ANKS1B: variants seen among roughly 807,000 people sequenced by gnomAD.
ANKS1B encodes ankyrin repeat and sterile alpha motif domain-containing protein 1B.
Under a neutral mutation model 148.3 loss-of-function variants are expected in ANKS1B, and 36 were observed. That is an observed-to-expected ratio of 0.24 (90% CI 0.19 to 0.32). ANKS1B has a LOEUF of 0.32. Ranked by LOEUF, ANKS1B falls within the 10% of genes least tolerant of loss-of-function variation. The pLI is 1.00. For missense variants in ANKS1B, 1,157 were observed against 1,542.6 expected (o/e 0.75, Z 4.19); for synonymous variants, 542 against 560.8 (o/e 0.97, Z 0.47).
intron 12 of ANKS1B, among the ~76,000 whole-genome samples, chr12:99,313,912 G>A (rs1325986040): frequency 6.6e-6 from 1 of 152,102 alleles, no homozygotes; most frequent in Non-Finnish European, 1.5e-5. Flanking sequence ...TGGAAGTTCT[G>A]GCTAGGGCAA....
At chr12:99,259,752 G>C (rs1215725088) in intron 12 of ANKS1B, among the ~76,000 whole-genome samples, 1 of 151,468 alleles carries the variant, frequency 6.6e-6, no homozygotes, top group African/African-American at 2.4e-5. Flanking sequence ...AAGGAAGCCA[G>C]CGACATTCAC....
At chr12:99,884,489 A>G (rs933422818) in intron 1 of ANKS1B, among the ~76,000 whole-genome samples, 1 of 152,248 alleles carries the variant, frequency 6.6e-6, no homozygotes, top group Non-Finnish European at 1.5e-5. Context: ...TAAAAAATGC[A>G]TATGTCCTTA....
At chr12:99,248,926 A>G (rs2074225512) in intron 12 of ANKS1B, among the ~76,000 whole-genome samples, 2 of 152,212 alleles carry the variant, frequency 1.3e-5, no homozygotes, top group Admixed American at 6.5e-5. Context: ...GGAATTTGGG[A>G]AAAGTGGACT....
intron 14 of ANKS1B, among the ~76,000 whole-genome samples, chr12:99,160,736 C>T (rs2076578317): frequency 6.6e-6 from 1 of 152,100 alleles, no homozygotes; most frequent in Non-Finnish European, 1.5e-5. Context: ...GGTAGGGGTC[C>T]AGTTTCATTC....
chr12:99,182,786 C>T (rs145034406), intron 14 of ANKS1B, among the ~76,000 whole-genome samples: 23 of 152,160 alleles, frequency 1.5e-4, no homozygotes, highest in African/African-American at 4.3e-4. Context: ...TAACAGTGTA[C>T]GAGAGTTCCT....
At chr12:98,936,431 A>G (rs895940640) in intron 17 of ANKS1B, among the ~76,000 whole-genome samples, 4 of 152,154 alleles carry the variant, frequency 2.6e-5, no homozygotes, top group Admixed American at 2.6e-4. Context: ...GGTTGAGACC[A>G]TCCTGGCCAA....
intron 1 of ANKS1B, among the ~76,000 whole-genome samples, chr12:99,911,345 C>T (rs943716260): frequency 1.3e-5 from 2 of 152,134 alleles, no homozygotes; most frequent in African/African-American, 2.4e-5. Flanking sequence ...CTAACCAGGC[C>T]AGCCAAATTC....
intron 13 of ANKS1B, among the ~76,000 whole-genome samples, chr12:99,245,608 T>C (rs966342840): frequency 6.6e-6 from 1 of 152,220 alleles, no homozygotes; most frequent in African/African-American, 2.4e-5. Flanking sequence ...TAATGATCTA[T>C]TGTGCTTCTA....
chr12:99,236,047 G>A (rs1244728298), intron 14 of ANKS1B, among the ~76,000 whole-genome samples: 2 of 152,220 alleles, frequency 1.3e-5, no homozygotes, highest in African/African-American at 4.8e-5. Context: ...TGATTTAGTA[G>A]CATGGAGCCG....
chr12:99,855,274 T>A (rs1448255276), intron 1 of ANKS1B, among the ~76,000 whole-genome samples: 1 of 151,982 alleles, frequency 6.6e-6, no homozygotes, highest in Non-Finnish European at 1.5e-5. Flanking sequence ...TTATATTCAA[T>A]ATATATTCTT....
intron 12 of ANKS1B, among the ~76,000 whole-genome samples, chr12:99,339,663 A>G (rs2089572734): frequency 6.6e-6 from 1 of 152,170 alleles, no homozygotes; most frequent in African/African-American, 2.4e-5. Context: ...TATTAATTTC[A>G]TAAATTAGCT....
intron 8 of ANKS1B, among the ~76,000 whole-genome samples, chr12:99,685,923 T>C (rs1359938646): frequency 2.6e-5 from 4 of 152,090 alleles, no homozygotes; most frequent in Non-Finnish European, 5.9e-5. Flanking sequence ...AAATGGGAGC[T>C]AAGCTATGAA....
chr12:99,613,803 C>T (rs898002832), intron 9 of ANKS1B, among the ~76,000 whole-genome samples: 5 of 151,920 alleles, frequency 3.3e-5, no homozygotes, highest in African/African-American at 9.7e-5. Flanking sequence ...ACTCCCATGA[C>T]ACACGTTTAC....
At chr12:98,781,847 C>T (rs1593480654) in intron 23 of ANKS1B, among the ~76,000 whole-genome samples, 1 of 152,276 alleles carries the variant, frequency 6.6e-6, no homozygotes, top group East Asian at 1.9e-4. Context: ...GGTTTTGAGC[C>T]ACAGCAAAAT....
intron 12 of ANKS1B, among the ~76,000 whole-genome samples, chr12:99,371,582 A>T (rs2152471449): frequency 6.6e-6 from 1 of 152,056 alleles, no homozygotes; most frequent in East Asian, 1.9e-4. Flanking sequence ...ACACACACAT[A>T]TACATACTGA....
rs769196959 is a variant in ANKS1B at position 99,779,834 on chromosome 12, T to G, written c.847+37A>C. ...GTAACAGTTTTAATCTCATCTTAAC[T>G]TTAAGGCAAACTCATCCATCATTCA... On this transcript the variant is annotated intron_variant, in intron 6 of 26. Transcript: ENST00000683438. 7 of 1,508,490 alleles carry G rather than the reference T, an allele frequency of 4.6e-6. No individual in the cohort carries two copies. The South Asian group carries it at 7.9e-5, about 17-fold the overall frequency. The allele number at this position is 1,508,490 out of a possible 1,614,324, so 93.4% of individuals were successfully genotyped here.
chr12:98,850,726 C>G (rs927508399), intron 17 of ANKS1B, among the ~76,000 whole-genome samples: 1 of 151,552 alleles, frequency 6.6e-6, no homozygotes, highest in South Asian at 2.1e-4. Context: ...CTCAGCCTCC[C>G]GAAGTGCTGG....
chr12:99,060,894 T>C (rs956958546), intron 16 of ANKS1B, among the ~76,000 whole-genome samples: 6 of 152,058 alleles, frequency 3.9e-5, no homozygotes, highest in African/African-American at 1.4e-4. Context: ...TTATAATAGC[T>C]TTGGGATTAA....
At chr12:99,877,041 G>A (rs1431667647) in intron 1 of ANKS1B, among the ~76,000 whole-genome samples, 1 of 152,046 alleles carries the variant, frequency 6.6e-6, no homozygotes, top group Non-Finnish European at 1.5e-5. Context: ...TGTCTATACT[G>A]ATATACTGGT....
Sources: gnomAD v4.1 joint callset for allele counts (sites outside exome capture counted in the v4.1 genomes callset) on GRCh38, gnomAD v4.1.1 for gene constraint, MANE v1.5 for transcripts, NCBI Gene and HGNC (gene_info 2026-07-23, HGNC 2026-07-21) for gene names.